The following KAZN variants were observed in gnomAD, a reference collection of about 807,000 sequenced individuals.
KAZN encodes kazrin, periplakin interacting protein.
Under a neutral mutation model 87.4 loss-of-function variants are expected in KAZN, and 40 were observed. The ratio of observed to expected loss-of-function variants is 0.46; its 90% CI spans 0.36 to 0.60. The LOEUF (loss-of-function observed/expected upper bound fraction) is 0.60. Ranked by LOEUF, KAZN falls within the 20% of genes least tolerant of loss-of-function variation. The pLI, the probability that KAZN is intolerant of heterozygous loss-of-function variation, is 0.00. For missense variants in KAZN, 898 were observed against 1,073.9 expected (o/e 0.84, Z 2.29); for synonymous variants, 466 against 458.3 (o/e 1.02, Z -0.22).
At chr1:14,809,866 A>AG (rs1646350391) in intron 1 of KAZN, among the ~76,000 whole-genome samples, 1 of 152,172 alleles carries the variant, frequency 6.6e-6, no homozygotes, top group African/African-American at 2.4e-5. Flanking sequence ...CCCTTCCACC[A>AG]GGGGCATTTC....
At position 14,146,553 on chromosome 1, in the gene KAZN, A is replaced by G. The variant is rs568645862; in HGVS notation, c.92-33882A>G. 1.1e-3 allele frequency among the ~76,000 whole-genome samples: 162 copies of G among 145,130 alleles called. No individual in the cohort carries two copies. In the East Asian group the frequency reaches 0.011, roughly 10 times the overall value. ...CTCCATCTCAAAAAAAAAAAAAAAA[A>G]AAAAGAAAAGAAAAGAAAGAAAGAA... On this transcript the variant is annotated intron_variant, in intron 1 of 16. Coordinates refer to the KAZN transcript ENST00000636203.
chr1:14,235,554 T>C (rs1358087629), intron 2 of KAZN, among the ~76,000 whole-genome samples: 1 of 152,166 alleles, frequency 6.6e-6, no homozygotes, highest in African/African-American at 2.4e-5. Context: ...CGCACAACTC[T>C]GAATACACTA....
chr1:14,248,325 A>G (rs1488750224), intron 2 of KAZN, among the ~76,000 whole-genome samples: 1 of 152,176 alleles, frequency 6.6e-6, no homozygotes, highest in Non-Finnish European at 1.5e-5. Flanking sequence ...AGAGTGAGGG[A>G]GTTGGACATT....
At chr1:14,774,990 T>C (rs1405278254) in intron 1 of KAZN, among the ~76,000 whole-genome samples, 5 of 152,160 alleles carry the variant, frequency 3.3e-5, no homozygotes, top group Non-Finnish European at 5.9e-5. Flanking sequence ...CCTGCCCTCA[T>C]GGAGCTCCCA....
At chr1:14,236,989 C>G (rs2100562441) in intron 2 of KAZN, among the ~76,000 whole-genome samples, 1 of 152,286 alleles carries the variant, frequency 6.6e-6, no homozygotes, top group Admixed American at 6.5e-5. Context: ...AATCAACAAT[C>G]ACATATAAAC....
chr1:14,531,098 G>C (rs1056095824), intron 2 of KAZN, among the ~76,000 whole-genome samples: 5 of 152,144 alleles, frequency 3.3e-5, no homozygotes, highest in African/African-American at 1.2e-4. Flanking sequence ...GAATCAATCA[G>C]TAACCCAGCC....
intron 1 of KAZN, among the ~76,000 whole-genome samples, chr1:13,912,668 A>G (rs747135126): frequency 7.2e-5 from 11 of 152,144 alleles, no homozygotes; most frequent in Admixed American, 6.5e-4. Context: ...CAGTGGCACA[A>G]TCTTGGCTCA....
intron 1 of KAZN, among the ~76,000 whole-genome samples, chr1:14,004,131 A>G (rs866761431): frequency 6.6e-6 from 1 of 152,150 alleles, no homozygotes; most frequent in African/African-American, 2.4e-5. Flanking sequence ...GTCCAACGTC[A>G]TTAGAAATCA....
chr1:15,063,306 T>C, intron 6 of KAZN: 1 of 508,612 alleles, frequency 2.0e-6, no homozygotes, highest in Non-Finnish European at 3.5e-6. Context: ...AGTGGCTAAT[T>C]TGTTGGTCAG....
chr1:14,459,310 C>T (rs549650284), intron 2 of KAZN, among the ~76,000 whole-genome samples: 2 of 151,812 alleles, frequency 1.3e-5, no homozygotes, highest in South Asian at 4.2e-4. Context: ...TTTGCACAAG[C>T]CCATGTGTGT....
intron 4 of KAZN, among the ~76,000 whole-genome samples, chr1:15,055,884 A>T (rs554708855): frequency 6.6e-6 from 1 of 152,166 alleles, no homozygotes; most frequent in Non-Finnish European, 1.5e-5. Flanking sequence ...TCGCGCCTCC[A>T]GCTGTCTAAT....
chr1:14,719,668 G>A (rs892917043), intron 1 of KAZN, among the ~76,000 whole-genome samples: 2 of 152,264 alleles, frequency 1.3e-5, no homozygotes, highest in South Asian at 2.1e-4. Context: ...GTGAAACTTT[G>A]TCTCTACTAA....
intron 1 of KAZN, chr1:14,692,318 A>C (rs1478996774): frequency 6.3e-6 from 3 of 478,300 alleles, no homozygotes; most frequent in Non-Finnish European, 1.1e-5. Context: ...CATAATTTTC[A>C]CCATCTTCGG....
intron 1 of KAZN, among the ~76,000 whole-genome samples, chr1:14,792,210 T>A (rs1351489227): frequency 6.6e-6 from 1 of 152,216 alleles, no homozygotes; most frequent in Non-Finnish European, 1.5e-5. Flanking sequence ...GTTTGCCAGA[T>A]GCTGTGCTGG....
Position 14,599,135 on chromosome 1 carries a change from C to T in KAZN, c.138C>T (p.Pro46=), listed in dbSNP as rs1676739331. 4.1e-6 allele frequency: 6 copies of T among 1,472,508 alleles called. No individual in the cohort carries two copies. Among genetic ancestry groups the T allele is most frequent in the Non-Finnish European group, 5.4e-6 (6 of 1,117,328 alleles). The allele number at this position is 1,472,508 out of a possible 1,614,324, so 91.2% of individuals were successfully genotyped here. The change falls in exon 1 of 15, where the codon CCC becomes CCT. Residue 46 remains proline, a synonymous_variant. Transcript: ENST00000376030. The surrounding 1 kb of genome is among the most constrained non-coding windows in gnomAD (Gnocchi z 4.4). ...CGGAACTGAGCGGCGGCGGCGGCCCCGGCCCGGGCCCGGGAGCCGCGGCCA... is the reference window on the plus strand; with the variant it reads ...CGGAACTGAGCGGCGGCGGCGGCCCTGGCCCGGGCCCGGGAGCCGCGGCCA... ...RLAELSGGGG[P]GPGPGAAASA...
intron 2 of KAZN, among the ~76,000 whole-genome samples, chr1:14,224,745 CAG>C (rs1647204019): frequency 6.6e-6 from 1 of 151,972 alleles, no homozygotes; most frequent in Non-Finnish European, 1.5e-5. Context: ...CTCCAGGTCT[CAG>C]GGAAAAAATG....
chr1:15,096,110 TC>T lies in KAZN; in HGVS notation c.1547+1181del, dbSNP rs534222374. 1.1e-4 allele frequency among the ~76,000 whole-genome samples: 16 copies of T among 152,148 alleles called. No individual in the cohort carries two copies. In the East Asian group the frequency reaches 3.1e-3, roughly 29 times the overall value. On this transcript the variant is annotated intron_variant, in intron 10 of 14. Coordinates refer to ENST00000376030, the MANE Select transcript of KAZN (RefSeq NM_201628.3). The surrounding 1 kb of genome is among the most constrained non-coding windows in gnomAD (Gnocchi z 4.5). Reference sequence around the variant, plus strand: ...CCTCCTAACCAGTTCCATCCAGGAATCCCCTAAAGCCATCCCTGAATCCCCT... The same window carrying T: ...CCTCCTAACCAGTTCCATCCAGGAATCCCTAAAGCCATCCCTGAATCCCCT...
At chr1:14,124,660 G>T (rs1644824355) in intron 1 of KAZN, among the ~76,000 whole-genome samples, 1 of 151,740 alleles carries the variant, frequency 6.6e-6, no homozygotes, top group South Asian at 2.1e-4. Context: ...TTCGCCAACG[G>T]CCTCTCTCAG....
intron 2 of KAZN, among the ~76,000 whole-genome samples, chr1:14,580,224 G>A (rs980003971): frequency 3.3e-5 from 5 of 152,054 alleles, no homozygotes; most frequent in African/African-American, 7.2e-5. Flanking sequence ...ACCTGTAATC[G>A]CAGCACTTTG....
Sources: gnomAD v4.1 joint callset for allele counts (sites outside exome capture counted in the v4.1 genomes callset) on GRCh38, gnomAD v4.1.1 for gene constraint, Gnocchi (gnomAD v3.1) non-coding constraint, MANE v1.5 for transcripts, NCBI Gene and HGNC (gene_info 2026-07-23, HGNC 2026-07-21) for gene names.